The following TNS1 variants were observed in gnomAD, a reference collection of about 807,000 sequenced individuals.
The protein encoded by TNS1 is tensin-1.
In TNS1, 62 loss-of-function variants were observed where a neutral mutation model predicts 168.6. The ratio of observed to expected loss-of-function variants is 0.37; its 90% CI spans 0.30 to 0.45. TNS1 has a LOEUF of 0.45. Ranked by LOEUF, TNS1 falls within the 20% of genes least tolerant of loss-of-function variation. The pLI, the probability that TNS1 is intolerant of heterozygous loss-of-function variation, is 1.00. For missense variants in TNS1, 2,240 were observed against 2,339.4 expected (o/e 0.96, Z 0.88); for synonymous variants, 934 against 933.2 (o/e 1.00, Z -0.02).
intron 3 of TNS1, among the ~76,000 whole-genome samples, chr2:217,924,427 T>C (rs1955901457): frequency 6.6e-6 from 1 of 152,236 alleles, no homozygotes; most frequent in Non-Finnish European, 1.5e-5. Flanking sequence ...TCCTTGTCTA[T>C]AATCTGTTTC....
rs1172756448 is a variant in TNS1, at chr2:217,809,540, C to CATGGATGG, written c.5273+275_5273+282dup. 7.6e-4 allele frequency among the ~76,000 whole-genome samples: 8 copies of CATGGATGG among 10,552 alleles called. 1 individual carries two copies. Among genetic ancestry groups the CATGGATGG allele is most frequent in the South Asian group, 2.2e-3 (1 of 448 alleles). 6.9% of individuals were successfully genotyped at this position (10,552 alleles called of 152,430 possible). ...GGATGGATAGGTGCATGGATGGATGCATGGATGGATGGATGGATGGATGGA... is the reference window on the plus strand; with the variant it reads ...GGATGGATAGGTGCATGGATGGATGCATGGATGGATGGATGGATGGATGGATGGATGGA... On this transcript the variant is annotated intron_variant, in intron 30 of 32. Coordinates refer to ENST00000682258, the MANE Select transcript of TNS1 (RefSeq NM_001387777.1).
rs1559228996 is a variant in TNS1, at chr2:217,848,409, A to T, written c.2108T>A (p.Met703Lys). The T allele has an allele frequency of 6.3e-7, 1 of 1,594,658 alleles. No homozygotes were observed. Among genetic ancestry groups the T allele is most frequent in the South Asian group, 1.1e-5 (1 of 87,760 alleles). ...GPAHAGHTAP[M>K]RPSYSAQEGL... The stretch of plus-strand genomic sequence containing the variant: ...CTCCTGTGCAGAGTAGGAGGGCCGC[A>T]TGGGGGCCGTGTGGCCAGCATGGGC... Residue 703 changes from methionine to lysine, a missense_variant, in exon 19 of 33, where the codon ATG (methionine) becomes AAG (lysine). Physicochemically the swap from Met to Lys is moderately conservative, Grantham distance 95 (BLOSUM62 -1). This residue lies in a region of TNS1 where 2,131 missense variants were observed against 2,171.2 expected (regional missense o/e 0.98). Transcript: ENST00000682258.
intron 3 of TNS1, among the ~76,000 whole-genome samples, chr2:217,962,729 C>G (rs1957530552): frequency 6.6e-6 from 1 of 152,152 alleles, no homozygotes. Flanking sequence ...TTCAAAATAA[C>G]TAACCAGCAC....
intron 7 of TNS1, among the ~76,000 whole-genome samples, chr2:217,900,077 C>G (rs1449782885): frequency 6.6e-6 from 1 of 152,178 alleles, no homozygotes; most frequent in Non-Finnish European, 1.5e-5. Context: ...AGATCCAGCA[C>G]AGGCCTCAAT....
At chr2:217,874,277 G>C (rs1950029917) in intron 18 of TNS1, among the ~76,000 whole-genome samples, 1 of 152,178 alleles carries the variant, frequency 6.6e-6, no homozygotes, top group African/African-American at 2.4e-5. Context: ...AATTCTGCTT[G>C]TTCAGCCCAG....
intron 1 of TNS1, among the ~76,000 whole-genome samples, chr2:218,031,290 TGTGA>T (rs576750699): frequency 0.049 from 4,479 of 91,478 alleles, 627 homozygotes; most frequent in African/African-American, 0.27. Context: ...TGTATGAGTG[TGTGA>T]GTGTGTCTTT....
chr2:217,943,212 G>T (rs1245112748), intron 3 of TNS1, among the ~76,000 whole-genome samples: 1 of 152,158 alleles, frequency 6.6e-6, no homozygotes, highest in Non-Finnish European at 1.5e-5. Context: ...GGGCACTTCT[G>T]CCAGTCTGTG....
chr2:217,847,674 A>G lies in TNS1; in HGVS notation c.2843T>C (p.Leu948Pro). The change falls in exon 19 of 33, where the codon CTT becomes CCT. Residue 948 changes from leucine to proline, a missense_variant. Physicochemically the swap from Leu to Pro is moderately conservative, Grantham distance 98. Coordinates refer to ENST00000682258, the MANE Select transcript of TNS1 (RefSeq NM_001387777.1). Reference sequence around the variant, plus strand: ...CCCTGGAGGGCTGTGGGTGGTCGGAAGGAAGGCAGGCAAGGAGGAAGAGGC... The same window carrying G: ...CCCTGGAGGGCTGTGGGTGGTCGGAGGGAAGGCAGGCAAGGAGGAAGAGGC... ...SPASSSLPAFLPTTHSPPGPQ... is the reference protein window; with the variant it reads ...SPASSSLPAFPPTTHSPPGPQ... 1.9e-6 allele frequency: 3 copies of G among 1,598,962 alleles called. No individual in the cohort carries two copies. Among genetic ancestry groups the G allele is most frequent in the Non-Finnish European group, 2.6e-6 (3 of 1,167,604 alleles).
intron 18 of TNS1, among the ~76,000 whole-genome samples, chr2:217,861,461 T>C (rs79564007): frequency 0.028 from 4,193 of 152,306 alleles, 194 homozygotes; most frequent in African/African-American, 0.096. Context: ...GCGCTCTGAC[T>C]TAAAAGAGGC....
chr2:217,823,330 C>T (rs1021520947), intron 22 of TNS1, among the ~76,000 whole-genome samples: 5 of 152,080 alleles, frequency 3.3e-5, no homozygotes, highest in African/African-American at 1.2e-4. Context: ...ACTTTCTTTA[C>T]CAAAATAGTC....
chr2:217,923,991 AG>A (rs546352814), intron 3 of TNS1, among the ~76,000 whole-genome samples: 51 of 152,286 alleles, frequency 3.3e-4, no homozygotes, highest in African/African-American at 9.1e-4. Flanking sequence ...CCAGGACATG[AG>A]GGAAAAAGCA....
chr2:218,019,876 A>G (rs1036264303), intron 1 of TNS1, among the ~76,000 whole-genome samples: 1 of 152,058 alleles, frequency 6.6e-6, no homozygotes, highest in East Asian at 1.9e-4. Context: ...AATGGCCCCA[A>G]GATCACACCT....
chr2:217,812,554 C>G, intron 27 of TNS1, 109 bp from the exon 28 acceptor site: 1 of 868,278 alleles, frequency 1.2e-6, no homozygotes, highest in Non-Finnish European at 1.8e-6. Flanking sequence ...TCTTTATTAC[C>G]TCTACCTCAA....
chr2:217,813,723 G>C lies in TNS1; in HGVS notation c.4823C>G (p.Ser1608Cys). The C allele has an allele frequency of 5.0e-6, 8 of 1,613,546 alleles. No individual in the cohort carries two copies. Among genetic ancestry groups the C allele is most frequent in the Non-Finnish European group, 6.8e-6 (8 of 1,179,682 alleles). Residue 1608 changes from serine (S) to cysteine (C), a missense_variant, in exon 26 of 33, where the codon TCT (serine) becomes TGT (cysteine). This residue lies in a region of TNS1 where 2,131 missense variants were observed against 2,171.2 expected (regional missense o/e 0.98). Transcript: ENST00000682258. This position sits in a 1 kb window ranked among gnomAD's most constrained non-coding sequence, Gnocchi z 4.0. Reference protein sequence around the residue: ...RGAYGLAMKVSSPPPTIMQQN... With the variant: ...RGAYGLAMKVCSPPPTIMQQN... ...CTGCATGATGGTTGGAGGTGGCGAAGACACCTTCATGGCCAGCCCGTACGC... is the reference window on the plus strand; with the variant it reads ...CTGCATGATGGTTGGAGGTGGCGAACACACCTTCATGGCCAGCCCGTACGC...
At chr2:218,026,496 G>A (rs1433397764) in intron 1 of TNS1, among the ~76,000 whole-genome samples, 5 of 152,150 alleles carry the variant, frequency 3.3e-5, no homozygotes, top group Admixed American at 6.5e-5. Flanking sequence ...CTCTGGGCCC[G>A]AGAATCCTGA....
At position 217,880,402 on chromosome 2, in the gene TNS1, G is replaced by C. The variant is rs1411849814; in HGVS notation, c.1429+496C>G. ...TGTTGATGAAAGCTTGTAGGCCCTA[G>C]ATCCTGTGCCTCTGTTCCTAGTACT... is the stretch of plus-strand genomic sequence containing the variant. On this transcript the variant is annotated intron_variant, in intron 18 of 32. Transcript: ENST00000682258. This position sits in a 1 kb window ranked among gnomAD's most constrained non-coding sequence, Gnocchi z 4.2. 6.6e-6 allele frequency among the ~76,000 whole-genome samples: 1 copy of C among 152,156 alleles called. No homozygotes were observed. The highest frequency in any genetic ancestry group is 1.5e-5 in the Non-Finnish European group (1 of 68,046).
chr2:217,921,356 C>A (rs568631659), intron 3 of TNS1, among the ~76,000 whole-genome samples: 3 of 152,252 alleles, frequency 2.0e-5, no homozygotes, highest in African/African-American at 4.8e-5. Flanking sequence ...AGACAGTGGG[C>A]AACCCCTCCC....
At chr2:217,980,845 G>T (rs1397839876) in intron 2 of TNS1, among the ~76,000 whole-genome samples, 1 of 152,104 alleles carries the variant, frequency 6.6e-6, no homozygotes, top group African/African-American at 2.4e-5. Context: ...TGTGTCAGCT[G>T]CCTGGTACAC....
chr2:217,828,184 A>G (rs1457089243), intron 22 of TNS1, among the ~76,000 whole-genome samples: 2 of 152,138 alleles, frequency 1.3e-5, no homozygotes, highest in Non-Finnish European at 2.9e-5. Flanking sequence ...GGCCGTTCCC[A>G]GCAGAGGGAA....
Sources: gnomAD v4.1 joint callset for allele counts (sites outside exome capture counted in the v4.1 genomes callset) on GRCh38, gnomAD v4.1.1 for gene constraint, gnomAD v4.1.1 regional missense constraint, Gnocchi (gnomAD v3.1) non-coding constraint, MANE v1.5 for transcripts, NCBI Gene and HGNC (gene_info 2026-07-23, HGNC 2026-07-21) for gene names.